CHD8: variants seen among roughly 807,000 people sequenced by gnomAD.
CHD8 encodes chromodomain helicase DNA binding protein 8.
Under a neutral mutation model 279.2 loss-of-function variants are expected in CHD8, and 31 were observed. The observed-to-expected ratio is 0.11, with a 90% confidence interval of 0.08 to 0.15. The LOEUF is 0.15. Ranked by LOEUF, CHD8 falls within the 10% of genes least tolerant of loss-of-function variation. CHD8 has a pLI of 1.00. For missense variants in CHD8, 2,146 were observed against 3,230.5 expected (o/e 0.66, Z 8.14); for synonymous variants, 1,081 against 1,139.6 (o/e 0.95, Z 1.04).
rs372365400 is a variant in CHD8, at chr14:21,391,823, T to C, written c.6885+10A>G. Reference sequence around the variant, plus strand: ...TAATCGTCAGGTTAAAGACTTTCTCTACCACTCACCTCTACTAGCTTCTTT... The same window carrying C: ...TAATCGTCAGGTTAAAGACTTTCTCCACCACTCACCTCTACTAGCTTCTTT... On this transcript the variant is annotated intron_variant, in intron 35 of 37. Coordinates refer to ENST00000646647, the MANE Select transcript of CHD8 (RefSeq NM_001170629.2). 3.1e-6 allele frequency: 5 copies of C among 1,593,690 alleles called. No individual in the cohort carries two copies. Among genetic ancestry groups the C allele is most frequent in the Non-Finnish European group, 3.4e-6 (4 of 1,161,284 alleles).
Position 21,414,313 on chromosome 14 carries a change from G to A in CHD8, c.2130C>T (p.His710=). The A allele has an allele frequency of 6.7e-7, 1 of 1,499,890 alleles. No homozygotes were observed. Among genetic ancestry groups the A allele is most frequent in the Non-Finnish European group, 9.2e-7 (1 of 1,092,230 alleles). The allele number at this position is 1,499,890 out of a possible 1,614,324, so 92.9% of individuals were successfully genotyped here. Residue 710 remains histidine, a synonymous_variant, in exon 9 of 38, where the codon CAC becomes CAT. Coordinates refer to ENST00000646647, the MANE Select transcript of CHD8 (RefSeq NM_001170629.2). ...RFKTKMAQMR[H]FFHEDEEPFN... The stretch of plus-strand genomic sequence containing the variant: ...TATTCCTAATTACCTCATGGAAGAA[G>A]TGTCTCATCTGAGCCATTTTGGTTT...
chr14:21,437,192 A>C (rs1348108638), intron 1 of CHD8: 9 of 1,178,258 alleles, frequency 7.6e-6, no homozygotes, highest in Non-Finnish European at 9.7e-6. Context: ...AGGTGGCTTT[A>C]CCTGCAGTGG....
intron 1 of CHD8, 90 bp downstream of exon 1, chr14:21,455,939 GAGA>G (rs1435490984): frequency 3.2e-5 from 5 of 153,878 alleles, no homozygotes; most frequent in African/African-American, 9.6e-5. Flanking sequence ...GAAGAGAGAG[GAGA>G]AGGAGTTACT....
At position 21,391,481 on chromosome 14, in the gene CHD8, A is replaced by T. The variant is rs368293629; in HGVS notation, c.7047T>A (p.Val2349=). The part of the protein sequence containing the change: ...MWLQGHPEFA[V]DPRFLAYMED... The stretch of plus-strand genomic sequence containing the variant: ...CACTCACCGCTAGAAATCGGGGATC[A>T]ACAGCAAACTCTGGATGACCCTGTA... The change falls in exon 36 of 38, where the codon GTT becomes GTA. Residue 2349 remains valine, a synonymous_variant. Coordinates refer to ENST00000646647, the MANE Select transcript of CHD8 (RefSeq NM_001170629.2). 3.7e-6 allele frequency: 6 copies of T among 1,613,788 alleles called. No homozygotes were observed. The highest frequency in any genetic ancestry group is 1.3e-5 in the African/African-American group (1 of 74,928).
Position 21,385,614 on chromosome 14 carries a change from C to T in CHD8, c.7745G>A (p.Ter2582=), listed in dbSNP as rs1887188447. The T allele has an allele frequency of 6.5e-7, 1 of 1,550,130 alleles. No individual in the cohort carries two copies. The highest frequency in any genetic ancestry group is 2.0e-5 in the Admixed American group (1 of 50,966). ...AGCAATGGGGCCCATGCTGGGGCTT[C>T]AGTCATCAGCATCTTCACTGGAGTC... The part of the protein sequence containing the change: ...NSDSSEDADD[*] The change falls in exon 38 of 38, where the codon TGA becomes TAA. Residue 2582 remains the stop codon, a stop_retained_variant. Transcript: ENST00000646647.
chr14:21,432,691 T>C (rs1889614467), intron 1 of CHD8, among the ~76,000 whole-genome samples: 1 of 152,172 alleles, frequency 6.6e-6, no homozygotes, highest in African/African-American at 2.4e-5. Flanking sequence ...CAATAATCTC[T>C]CGCAGCTAAA....
chr14:21,392,707 A>G lies in CHD8; in HGVS notation c.6571T>C (p.Leu2191=), dbSNP rs61741241. ...RSQEMVTGGI[L]GPGNHLLDSP... Reference sequence around the variant, plus strand: ...TCTAGCAAGTGGTTGCCTGGCCCCAAAATTCCTCCTGTTACCATTTCCTGG... The same window carrying G: ...TCTAGCAAGTGGTTGCCTGGCCCCAGAATTCCTCCTGTTACCATTTCCTGG... The change falls in exon 34 of 38, where the codon TTG becomes CTG. Residue 2191 remains leucine (L), a synonymous_variant. Coordinates refer to ENST00000646647, the MANE Select transcript of CHD8 (RefSeq NM_001170629.2). 1,154 of 1,613,936 alleles carry G rather than the reference A, an allele frequency of 7.2e-4. 7 individuals carry two copies. In the African/African-American group the frequency reaches 7.7e-3, roughly 11 times the overall value.
At chr14:21,451,555 G>T (rs1262057438) in intron 1 of CHD8, among the ~76,000 whole-genome samples, 1 of 114,514 alleles carries the variant, frequency 8.7e-6, no homozygotes, top group Non-Finnish European at 1.6e-5. Context: ...CTGGGCAACA[G>T]AGTGAGACTC....
At chr14:21,387,131 T>C (rs1480381169) in intron 37 of CHD8, among the ~76,000 whole-genome samples, 2 of 152,238 alleles carry the variant, frequency 1.3e-5, no homozygotes, top group Non-Finnish European at 2.9e-5. Flanking sequence ...TCATTGAAGA[T>C]AGAAGTTATT....
rs1435998081 is a variant in CHD8, at chr14:21,428,119, T to C, written c.1351A>G (p.Arg451Gly). The C allele has an allele frequency of 1.9e-6, 3 of 1,613,916 alleles. No individual in the cohort carries two copies. The highest frequency in any genetic ancestry group is 2.5e-6 in the Non-Finnish European group (3 of 1,179,910). ...TCTTGCTTCTTCTGGTGTTCCAATC[T>C]GCGGTTTTCCTCCATTCCTGTCTTT... is the stretch of plus-strand genomic sequence containing the variant. Reference protein sequence around the residue: ...GGKTGMEENRRLEHQKKQEKA... With the variant: ...GGKTGMEENRGLEHQKKQEKA... Residue 451 changes from arginine (R) to glycine (G), a missense_variant, in exon 4 of 38, where the codon AGA becomes GGA. By Grantham distance (125) the Arg-to-Gly change is moderately radical. Around this residue, in one of 26 missense-constraint regions of CHD8, gnomAD observed 170 missense variants for 189.9 expected, o/e 0.90. Transcript: ENST00000646647.
At chr14:21,451,086 A>G (rs1469762239) in intron 1 of CHD8, among the ~76,000 whole-genome samples, 1 of 152,232 alleles carries the variant, frequency 6.6e-6, no homozygotes, top group African/African-American at 2.4e-5. Context: ...TTAAATGACA[A>G]GGTCAACCCT....
chr14:21,399,609 A>G lies in CHD8; in HGVS notation c.4914T>C (p.Phe1638=), dbSNP rs1887943961. ...EADKSLLIGV[F]KHGYEKYNTM... Reference sequence around the variant, plus strand: ...ATAGGAGAAGATACGTACCATGTTTAAAGACTCCAATGAGCAGCGACTTGT... The same window carrying G: ...ATAGGAGAAGATACGTACCATGTTTGAAGACTCCAATGAGCAGCGACTTGT... Residue 1638 remains phenylalanine, a synonymous_variant, in exon 26 of 38, where the codon TTT becomes TTC. Coordinates refer to ENST00000646647, the MANE Select transcript of CHD8 (RefSeq NM_001170629.2). 6.8e-6 allele frequency: 11 copies of G among 1,611,292 alleles called. No individual in the cohort carries two copies. In the East Asian group the frequency reaches 2.5e-4, roughly 36 times the overall value.
intron 1 of CHD8, among the ~76,000 whole-genome samples, chr14:21,433,228 A>G (rs1461272303): frequency 5.3e-5 from 8 of 152,248 alleles, no homozygotes; most frequent in Admixed American, 5.2e-4. Flanking sequence ...TGATTCTAAC[A>G]TGAGATGGTA....
In CHD8 at chr14:21,446,315, TTC is replaced by T. The variant is rs1408405352; in HGVS notation, c.-216+9715_-216+9716del. On this transcript the variant is annotated intron_variant, in intron 1 of 37. Transcript: ENST00000646647. ...ATTAACATACTTAATTTTCTTCTTC[TTC>T]TTTTTTTTTTTTTTTTGAGACAGGG... Among the ~76,000 whole-genome samples, 454 of 54,084 alleles carry T rather than the reference TTC, an allele frequency of 8.4e-3. 1 individual carries two copies. The highest frequency in any genetic ancestry group is 0.031 in the Middle Eastern group (3 of 96). 35.5% of individuals were successfully genotyped at this position (54,084 alleles called of 152,430 possible). A position where few individuals can be genotyped will look rare whatever the true frequency, so the allele number is the denominator to read the frequency against.
In CHD8 at chr14:21,408,824, T is replaced by C. The variant is rs761970737; in HGVS notation, c.2366A>G (p.Asn789Ser). Reference protein sequence around the residue: ...QSRHPELKRVNRPQASAWKKL... With the variant: ...QSRHPELKRVSRPQASAWKKL... ...CTTCCAGGCACTTGCCTGCGGACGA[T>C]TCTAAAAAACAAGACGTTTGAATAA... The change falls in exon 12 of 38, where the codon AAT becomes AGT. Residue 789 changes from asparagine to serine, a missense_variant and splice_region_variant. Asn to Ser is a conservative substitution (Grantham distance 46). Coordinates refer to ENST00000646647, the MANE Select transcript of CHD8 (RefSeq NM_001170629.2). The surrounding 1 kb of genome is among the most constrained non-coding windows in gnomAD (Gnocchi z 4.3). The C allele has an allele frequency of 6.2e-7, 1 of 1,605,612 alleles. No individual in the cohort carries two copies. Among genetic ancestry groups the C allele is most frequent in the Non-Finnish European group, 8.5e-7 (1 of 1,175,800 alleles).
chr14:21,431,260 G>T lies in CHD8; in HGVS notation c.384C>A (p.Ile128=), dbSNP rs1365994899. The T allele has an allele frequency of 1.9e-6, 3 of 1,594,432 alleles. No homozygotes were observed. The East Asian group carries it at 6.7e-5, about 36-fold the overall frequency. ...CCATGAAAGGATTCCCTTGGCTCAG[G>T]ATCTCCTGGCTCTTGGAGACTTGCA... ...GLLQVSKSQE[I]LSQGNPFMGV... is the part of the protein sequence containing the mutation. Residue 128 remains isoleucine (I), a synonymous_variant, in exon 2 of 38, where the codon ATC becomes ATA. Coordinates refer to ENST00000646647, the MANE Select transcript of CHD8 (RefSeq NM_001170629.2).
At chr14:21,426,745 T>G (rs1452237126) in intron 4 of CHD8, 1 of 152,336 alleles carries the variant, frequency 6.6e-6, no homozygotes, top group African/African-American at 2.4e-5. Flanking sequence ...GAGTAAAAGC[T>G]AGTAAGAAAG....
In CHD8 at chr14:21,394,605, C is replaced by CAAAA. The variant is rs3068337; in HGVS notation, c.5391-124_5391-121dup. 150 of 109,084 alleles carry CAAAA rather than the reference C, an allele frequency of 1.4e-3. 2 individuals carry two copies. The highest frequency in any genetic ancestry group is 2.3e-3 in the South Asian group (9 of 3,980). The allele number at this position is 109,084 out of a possible 1,614,324, so 6.8% of individuals were successfully genotyped here. The stretch of plus-strand genomic sequence containing the variant: ...AAAACACAAAAATTGAAAGTAGACG[C>CAAAA]AAAAAAAAAAAAAAAAAAAGGCCCA... On this transcript the variant is annotated intron_variant, in intron 30 of 37. Coordinates refer to ENST00000646647, the MANE Select transcript of CHD8 (RefSeq NM_001170629.2).
At chr14:21,407,420 T>C (rs1424031578) in intron 13 of CHD8, among the ~76,000 whole-genome samples, 1 of 152,054 alleles carries the variant, frequency 6.6e-6, no homozygotes, top group African/African-American at 2.4e-5. Flanking sequence ...TAATATTGGC[T>C]GATGTCTAAA....
Sources: allele counts gnomAD v4.1 joint callset (sites outside exome capture counted in the v4.1 genomes callset), GRCh38; gene constraint gnomAD v4.1.1; regional missense constraint gnomAD v4.1.1; non-coding constraint Gnocchi (gnomAD v3.1); transcripts MANE v1.5; gene names NCBI Gene and HGNC (gene_info 2026-07-23, HGNC 2026-07-21).